The following LINC00305 variants were observed in gnomAD, a reference collection of about 807,000 sequenced individuals.
LINC00305 encodes the protein long independently transcribed non-coding RNA 305.
At chr18:64,142,177 G>A (rs2051466828) in intron 1 of LINC00305, among the ~76,000 whole-genome samples, 1 of 152,168 alleles carries the variant, frequency 6.6e-6, no homozygotes, top group Non-Finnish European at 1.5e-5. Flanking sequence ...TAATCAGCAT[G>A]GGGCTTTCAT....
chr18:64,109,001 C>T (rs2051303896), intron 1 of LINC00305, among the ~76,000 whole-genome samples: 1 of 152,314 alleles, frequency 6.6e-6, no homozygotes, highest in East Asian at 1.9e-4. Context: ...CTGCCTAAAG[C>T]TCATCTAGAA....
intron 3 of LINC00305, among the ~76,000 whole-genome samples, chr18:64,083,313 T>C (rs2051191609): frequency 6.6e-6 from 1 of 152,196 alleles, no homozygotes; most frequent in African/African-American, 2.4e-5. Context: ...CACTTAAGGC[T>C]GGCTCTTCAA....
intron 1 of LINC00305, chr18:64,104,310 C>A (rs1258510431): frequency 2.0e-5 from 3 of 152,190 alleles, no homozygotes; most frequent in African/African-American, 2.4e-5. Flanking sequence ...GCATCTTCTC[C>A]GCCTTCTATT....
intron 1 of LINC00305, among the ~76,000 whole-genome samples, chr18:64,110,857 G>A (rs1224661103): frequency 6.6e-6 from 1 of 152,222 alleles, no homozygotes; most frequent in Non-Finnish European, 1.5e-5. Context: ...GTTATTACCT[G>A]TGGCAAAACA....
intron 3 of LINC00305, among the ~76,000 whole-genome samples, chr18:64,087,058 A>G (rs531838356): frequency 6.6e-6 from 1 of 152,358 alleles, no homozygotes; most frequent in Non-Finnish European, 1.5e-5. Flanking sequence ...ATTGTTCTCC[A>G]TTGATTAAAT....
At chr18:64,135,598 T>C (rs1251219090) in intron 1 of LINC00305, among the ~76,000 whole-genome samples, 3 of 152,138 alleles carry the variant, frequency 2.0e-5, no homozygotes, top group Admixed American at 2.0e-4. Flanking sequence ...TTTTCTTTTT[T>C]ATTTTGAGAC....
intron 1 of LINC00305, among the ~76,000 whole-genome samples, chr18:64,134,691 A>G (rs2051424735): frequency 6.6e-6 from 1 of 152,198 alleles, no homozygotes; most frequent in African/African-American, 2.4e-5. Context: ...TCTTTCTCAC[A>G]ATTTATTTAC....
chr18:64,102,111 TC>T (rs1463996932), intron 1 of LINC00305, among the ~76,000 whole-genome samples: 1 of 152,134 alleles, frequency 6.6e-6, no homozygotes, highest in Non-Finnish European at 1.5e-5. Context: ...GCTGTTCATA[TC>T]AGTAATATTT....
intron 1 of LINC00305, among the ~76,000 whole-genome samples, chr18:64,116,385 T>G (rs549067719): frequency 6.6e-6 from 1 of 152,350 alleles, no homozygotes; most frequent in South Asian, 2.1e-4. Context: ...TCCTAATGTT[T>G]TAAGAACATA....
At chr18:64,144,785 C>T (rs866852023) in intron 1 of LINC00305, among the ~76,000 whole-genome samples, 1 of 152,122 alleles carries the variant, frequency 6.6e-6, no homozygotes, top group African/African-American at 2.4e-5. Context: ...GGTTGGACTG[C>T]CAGAACGAGC....
chr18:64,126,345 C>A (rs2051385084), intron 1 of LINC00305, among the ~76,000 whole-genome samples: 1 of 151,902 alleles, frequency 6.6e-6, no homozygotes, highest in Non-Finnish European at 1.5e-5. Context: ...AATGAACATA[C>A]TTTCTTAAAA....
At chr18:64,110,446 T>A (rs2051310255) in intron 1 of LINC00305, among the ~76,000 whole-genome samples, 1 of 152,194 alleles carries the variant, frequency 6.6e-6, no homozygotes, top group Admixed American at 6.5e-5. Context: ...GTTTGAACAA[T>A]GTAACTAGCT....
intron 1 of LINC00305, among the ~76,000 whole-genome samples, chr18:64,105,471 CA>C (rs1555666147): frequency 6.6e-6 from 1 of 151,722 alleles, no homozygotes; most frequent in Non-Finnish European, 1.5e-5. Flanking sequence ...AACAAACAAA[CA>C]AACAAAAAAA....
intron 1 of LINC00305, among the ~76,000 whole-genome samples, chr18:64,129,985 T>G (rs2095298599): frequency 6.6e-6 from 1 of 152,004 alleles, no homozygotes. Flanking sequence ...TTTTCTTTTT[T>G]TTTTTTTAAT....
At chr18:64,091,811 G>A (rs1245550330) in intron 3 of LINC00305, among the ~76,000 whole-genome samples, 6 of 152,320 alleles carry the variant, frequency 3.9e-5, no homozygotes, top group Middle Eastern at 3.4e-3. Context: ...TAATCAATAT[G>A]TGATTAATTT....
chr18:64,092,802 T>C (rs1043286570), intron 3 of LINC00305, among the ~76,000 whole-genome samples: 6 of 152,160 alleles, frequency 3.9e-5, no homozygotes, highest in African/African-American at 1.4e-4. Flanking sequence ...GGAAAGTCAT[T>C]TAAAATATTT....
chr18:64,105,672 T>A (rs1366210726), intron 1 of LINC00305, among the ~76,000 whole-genome samples: 6 of 152,176 alleles, frequency 3.9e-5, no homozygotes, highest in Admixed American at 3.9e-4. Context: ...AGGGTGGCAA[T>A]GGTGCACTTA....
chr18:64,130,647 G>A (rs1040904245), intron 1 of LINC00305, among the ~76,000 whole-genome samples: 3 of 152,152 alleles, frequency 2.0e-5, no homozygotes, highest in Admixed American at 6.6e-5. Context: ...GAAACAGAGA[G>A]GAGGGATTCA....
At chr18:64,124,375 C>G (rs1489884960) in intron 1 of LINC00305, among the ~76,000 whole-genome samples, 2 of 152,150 alleles carry the variant, frequency 1.3e-5, no homozygotes, top group African/African-American at 4.8e-5. Flanking sequence ...GATGACTACT[C>G]TGTGGTCCTA....
Sources: gnomAD v4.1 joint callset for allele counts (sites outside exome capture counted in the v4.1 genomes callset) on GRCh38, gnomAD v4.1.1 for gene constraint, MANE v1.5 for transcripts, NCBI Gene and HGNC (gene_info 2026-07-23, HGNC 2026-07-21) for gene names.